ZYG11B: variants seen among roughly 807,000 people sequenced by gnomAD.
ZYG11B encodes protein zyg-11 homolog B.
A neutral mutation model predicts 82.4 loss-of-function variants in ZYG11B; 36 were observed. The ratio of observed to expected loss-of-function variants is 0.44; its 90% confidence interval spans 0.33 to 0.58. ZYG11B has a LOEUF of 0.58. Ranked by LOEUF, ZYG11B falls within the 20% of genes least tolerant of loss-of-function variation. The pLI is 0.02. For missense variants in ZYG11B, 552 were observed against 895.6 expected, an observed-to-expected ratio of 0.62 and a Z score of 4.90; for synonymous variants, 303 against 312.8, an observed-to-expected ratio of 0.97 and a Z score of 0.33.
At chr1:52,763,705 G>A (rs527773568) in intron 2 of ZYG11B, among the ~76,000 whole-genome samples, 2 of 152,084 alleles carry the variant, frequency 1.3e-5, no homozygotes, top group Non-Finnish European at 2.9e-5. Flanking sequence ...TTTTCTCATT[G>A]TATCTGTGTC....
intron 8 of ZYG11B, among the ~76,000 whole-genome samples, chr1:52,801,163 GA>G (rs1263496631): frequency 1.3e-5 from 2 of 151,986 alleles, no homozygotes; most frequent in African/African-American, 4.8e-5. Flanking sequence ...GGGAAAGGGG[GA>G]AAAATAAGAA....
At chr1:52,787,247 A>G (rs1222648429) in intron 5 of ZYG11B, among the ~76,000 whole-genome samples, 1 of 152,232 alleles carries the variant, frequency 6.6e-6, no homozygotes, top group Non-Finnish European at 1.5e-5. Flanking sequence ...CCAGATGACA[A>G]CCTTGATCAA....
chr1:52,784,572 T>C (rs1304153213), intron 4 of ZYG11B, among the ~76,000 whole-genome samples: 3 of 152,210 alleles, frequency 2.0e-5, no homozygotes, highest in Admixed American at 6.5e-5. Context: ...GAGAATTTAT[T>C]CACTGCCTTC....
chr1:52,772,567 A>T, intron 3 of ZYG11B: 1 of 1,605,186 alleles, frequency 6.2e-7, no homozygotes, highest in Non-Finnish European at 8.5e-7. Context: ...TCAGATGTCA[A>T]CTTCAACCAA....
chr1:52,796,588 G>C (rs1645007940), intron 7 of ZYG11B, 146 bp from the exon 8 acceptor site: 2 of 829,380 alleles, frequency 2.4e-6, no homozygotes, highest in African/African-American at 1.8e-5. Flanking sequence ...GGGAGGCCGA[G>C]GCAGGCCTCC....
intron 3 of ZYG11B, among the ~76,000 whole-genome samples, chr1:52,779,343 A>T (rs1166989432): frequency 2.0e-5 from 3 of 152,186 alleles, no homozygotes; most frequent in Non-Finnish European, 4.4e-5. Context: ...CCATGGTCTT[A>T]TGCTAGGTTC....
chr1:52,796,847 A>T lies in ZYG11B; in HGVS notation c.1485+63A>T, dbSNP rs1162424916. ...TTCATGTTTATTGTTTTCAGGCAGT[A>T]TTGTATATTTTCTGACATTTTTTAT... is the stretch of plus-strand genomic sequence containing the variant. On this transcript the variant is annotated intron_variant, in intron 8 of 13. Coordinates refer to ENST00000294353, the MANE Select transcript of ZYG11B (RefSeq NM_024646.3). 5.4e-6 allele frequency: 5 copies of T among 921,736 alleles called. No homozygotes were observed. The African/African-American group carries it at 8.5e-5, about 16-fold the overall frequency. The allele number at this position is 921,736 out of a possible 1,614,324, so 57.1% of individuals were successfully genotyped here. A position where few individuals can be genotyped will look rare whatever the true frequency, so the allele number is the denominator to read the frequency against.
chr1:52,753,315 T>C (rs973626800), intron 1 of ZYG11B, among the ~76,000 whole-genome samples: 7 of 152,184 alleles, frequency 4.6e-5, no homozygotes, highest in African/African-American at 1.7e-4. Flanking sequence ...CCAAGGCAGC[T>C]GCAACATTTT....
At chr1:52,787,138 A>T (rs1250410202) in intron 5 of ZYG11B, among the ~76,000 whole-genome samples, 1 of 152,128 alleles carries the variant, frequency 6.6e-6, no homozygotes, top group Non-Finnish European at 1.5e-5. Context: ...GTGTATAATG[A>T]TAACATATTG....
chr1:52,760,983 G>A (rs986527754), intron 2 of ZYG11B, among the ~76,000 whole-genome samples: 6 of 151,978 alleles, frequency 3.9e-5, no homozygotes, highest in Non-Finnish European at 1.5e-5. Flanking sequence ...GGCTGGTCTC[G>A]AACTCCTGAC....
At chr1:52,744,699 G>A (rs763142919) in intron 1 of ZYG11B, among the ~76,000 whole-genome samples, 6 of 152,098 alleles carry the variant, frequency 3.9e-5, no homozygotes, top group Non-Finnish European at 7.3e-5. Flanking sequence ...AAAGTTAGCC[G>A]GGCATGGTGG....
intron 1 of ZYG11B, among the ~76,000 whole-genome samples, chr1:52,732,743 G>A (rs760089931): frequency 4.6e-5 from 7 of 151,000 alleles, no homozygotes; most frequent in South Asian, 2.1e-4. Context: ...CCAGCCTGGC[G>A]ACAGAGCAAG....
At chr1:52,767,770 T>C (rs773399952) in intron 2 of ZYG11B, among the ~76,000 whole-genome samples, 6 of 152,214 alleles carry the variant, frequency 3.9e-5, no homozygotes, top group Non-Finnish European at 8.8e-5. Context: ...TGGCTTCTAC[T>C]GACACCATGT....
At position 52,826,059 on chromosome 1, in the gene ZYG11B, C is replaced by T. The variant is rs1431766174; in HGVS notation, c.*4430C>T. ...TGGTGAAACCCATCCCTCTCCTGCC[C>T]TCTAATGGTATGTTTACATTATTTC... On this transcript the variant is annotated 3_prime_UTR_variant, in exon 14 of 14. Coordinates refer to ENST00000294353, the MANE Select transcript of ZYG11B (RefSeq NM_024646.3). 1 of 152,090 alleles carries T rather than the reference C, an allele frequency of 6.6e-6. No homozygotes were observed. The highest frequency in any genetic ancestry group is 1.5e-5 in the Non-Finnish European group (1 of 68,026). The allele number at this position is 152,090 out of a possible 1,614,324, so 9.4% of individuals were successfully genotyped here.
intron 8 of ZYG11B, among the ~76,000 whole-genome samples, chr1:52,798,166 G>T (rs1645044457): frequency 6.6e-6 from 1 of 151,926 alleles, no homozygotes. Context: ...TTGTAAAGAA[G>T]TGAATTTATT....
At chr1:52,819,228 G>A (rs907439105) in intron 13 of ZYG11B, among the ~76,000 whole-genome samples, 2 of 152,052 alleles carry the variant, frequency 1.3e-5, no homozygotes, top group Non-Finnish European at 2.9e-5. Context: ...CCACCTGGAG[G>A]CTTATCCGGT....
intron 2 of ZYG11B, among the ~76,000 whole-genome samples, chr1:52,762,299 C>A (rs970423884): frequency 7.3e-5 from 11 of 151,626 alleles, no homozygotes; most frequent in African/African-American, 2.4e-4. Flanking sequence ...GCCTTAACCC[C>A]CAGGCTCAAG....
At chr1:52,755,886 G>A (rs918458670) in intron 1 of ZYG11B, among the ~76,000 whole-genome samples, 17 of 151,956 alleles carry the variant, frequency 1.1e-4, no homozygotes, top group African/African-American at 1.7e-4. Flanking sequence ...TACAACTTCC[G>A]CCTCTTGGAT....
chr1:52,815,834 C>A (rs1645219250), intron 12 of ZYG11B, among the ~76,000 whole-genome samples: 2 of 151,902 alleles, frequency 1.3e-5, no homozygotes, highest in African/African-American at 4.8e-5. Flanking sequence ...ACTTGGGAGG[C>A]TGAGGCAGGA....
Sources: gnomAD v4.1 joint callset for allele counts (sites outside exome capture counted in the v4.1 genomes callset) on GRCh38, gnomAD v4.1.1 for gene constraint, MANE v1.5 for transcripts, NCBI Gene and HGNC (gene_info 2026-07-23, HGNC 2026-07-21) for gene names.